CCBE1: variants seen among roughly 807,000 people sequenced by gnomAD.
The protein encoded by CCBE1 is collagen and calcium binding EGF domains 1.
CCBE1 carries 37 observed loss-of-function variants against 50.0 expected under a neutral mutation model. That is an observed-to-expected ratio of 0.74 (90% CI 0.57 to 0.97). CCBE1 has a LOEUF of 0.97. CCBE1 is among the 50% of genes least tolerant of loss of function. The probability of loss-of-function intolerance (pLI) is 0.00; values close to 1 mark genes in which losing one functional copy is unlikely to be tolerated. For missense variants in CCBE1, 538 were observed against 523.8 expected (o/e 1.03, Z -0.26); for synonymous variants, 234 against 203.7 (o/e 1.15, Z -1.27).
At chr18:59,642,417 T>C (rs972088729) in intron 2 of CCBE1, among the ~76,000 whole-genome samples, 44 of 152,150 alleles carry the variant, frequency 2.9e-4, no homozygotes, top group Non-Finnish European at 1.5e-4. Context: ...GAAATAGTTC[T>C]CCAGCAAAAT....
chr18:59,676,069 T>C (rs539238487), intron 2 of CCBE1, among the ~76,000 whole-genome samples: 2 of 152,298 alleles, frequency 1.3e-5, no homozygotes, highest in East Asian at 3.9e-4. Context: ...CCAGATGTCA[T>C]CTTATAGCCC....
intron 2 of CCBE1, among the ~76,000 whole-genome samples, chr18:59,497,840 A>T (rs894129127): frequency 1.3e-5 from 2 of 152,184 alleles, no homozygotes; most frequent in African/African-American, 4.8e-5. Context: ...GGTTAAAAAG[A>T]CAGAGAGGGG....
intron 2 of CCBE1, among the ~76,000 whole-genome samples, chr18:59,573,148 G>A (rs1010923401): frequency 1.3e-5 from 2 of 151,382 alleles, no homozygotes; most frequent in African/African-American, 4.9e-5. Context: ...AGCCAGGTAA[G>A]GTGGTGCGCA....
intron 2 of CCBE1, among the ~76,000 whole-genome samples, chr18:59,566,183 T>C (rs975950091): frequency 2.0e-5 from 3 of 152,224 alleles, no homozygotes; most frequent in Non-Finnish European, 2.9e-5. Flanking sequence ...GGTTTCCACA[T>C]CATTCTACCA....
chr18:59,690,885 A>G (rs995521238), intron 2 of CCBE1, among the ~76,000 whole-genome samples: 29 of 152,194 alleles, frequency 1.9e-4, no homozygotes, highest in Non-Finnish European at 3.7e-4. Flanking sequence ...AGGAACCCAC[A>G]TGTCCTCTTC....
At chr18:59,569,957 CA>C (rs2144482953) in intron 2 of CCBE1, among the ~76,000 whole-genome samples, 1 of 152,322 alleles carries the variant, frequency 6.6e-6, no homozygotes, top group East Asian at 1.9e-4. Flanking sequence ...AGGCAAGTAT[CA>C]CTACCCAGAT....
intron 2 of CCBE1, among the ~76,000 whole-genome samples, chr18:59,547,088 A>AGAGAGGGAGGTAGG (rs1915729602): frequency 1.7e-5 from 2 of 116,446 alleles, no homozygotes; most frequent in African/African-American, 3.2e-5. Context: ...AGAAAGGGAG[A>AGAGAGGGAGGTAGG]GAGAGGGAGG....
At chr18:59,620,174 T>C (rs771638587) in intron 2 of CCBE1, among the ~76,000 whole-genome samples, 25 of 152,288 alleles carry the variant, frequency 1.6e-4, no homozygotes, top group Admixed American at 6.5e-4. Flanking sequence ...CCAGGCCCCT[T>C]AGAGCACCCT....
chr18:59,510,658 G>C (rs1235927064), intron 2 of CCBE1, among the ~76,000 whole-genome samples: 2 of 152,180 alleles, frequency 1.3e-5, no homozygotes, highest in South Asian at 2.1e-4. Flanking sequence ...CTGACCTCAG[G>C]TGATCCACCT....
intron 2 of CCBE1, among the ~76,000 whole-genome samples, chr18:59,498,446 C>G (rs1364098346): frequency 6.6e-6 from 1 of 152,106 alleles, no homozygotes; most frequent in Admixed American, 6.5e-5. Flanking sequence ...TTTTACTACC[C>G]TGTAGATTCA....
At chr18:59,551,581 C>CG (rs756988883) in intron 2 of CCBE1, among the ~76,000 whole-genome samples, 1 of 152,200 alleles carries the variant, frequency 6.6e-6, no homozygotes, top group Non-Finnish European at 1.5e-5. Flanking sequence ...GTCCTATATG[C>CG]GGTCCATCCT....
chr18:59,573,220 G>A (rs1219075436), intron 2 of CCBE1, among the ~76,000 whole-genome samples: 1 of 149,490 alleles, frequency 6.7e-6, no homozygotes, highest in African/African-American at 2.5e-5. Context: ...GGGAGGCAGA[G>A]GCTGCAGTGA....
intron 2 of CCBE1, among the ~76,000 whole-genome samples, chr18:59,595,495 C>T (rs1366356524): frequency 6.6e-6 from 1 of 152,164 alleles, no homozygotes; most frequent in Non-Finnish European, 1.5e-5. Context: ...ACTGAGACTG[C>T]TCATTGTAAA....
chr18:59,642,385 G>C (rs959200826), intron 2 of CCBE1, among the ~76,000 whole-genome samples: 4 of 152,164 alleles, frequency 2.6e-5, no homozygotes, highest in Admixed American at 2.6e-4. Flanking sequence ...TAGTGGGAGT[G>C]TAAACTGACA....
chr18:59,470,990 T>G (rs962898710), intron 3 of CCBE1, among the ~76,000 whole-genome samples: 3 of 152,234 alleles, frequency 2.0e-5, no homozygotes, highest in Admixed American at 2.0e-4. Context: ...TGACCAACCC[T>G]GCAAACTGTC....
Position 59,431,627 on chromosome 18 carries a change from A to G in CCBE1, c.*4281T>C, listed in dbSNP as rs1434631450. The G allele has an allele frequency of 6.6e-6, 1 of 152,280 alleles. No individual in the cohort carries two copies. The highest frequency in any genetic ancestry group is 1.5e-5 in the Non-Finnish European group (1 of 68,058). 9.4% of individuals were successfully genotyped at this position (152,280 alleles called of 1,614,324 possible). Reference sequence around the variant, plus strand: ...TGGGAACAGGGCTCACCAGGCCCACAGCAATTATGAACCTTGGAAAGATGG... The same window carrying G: ...TGGGAACAGGGCTCACCAGGCCCACGGCAATTATGAACCTTGGAAAGATGG... On this transcript the variant is annotated 3_prime_UTR_variant, in exon 11 of 11. Transcript: ENST00000439986.
intron 10 of CCBE1, among the ~76,000 whole-genome samples, chr18:59,436,831 G>T (rs1288111178): frequency 6.6e-6 from 1 of 152,068 alleles, no homozygotes; most frequent in Admixed American, 6.5e-5. Flanking sequence ...ATTTAGCCAG[G>T]TGTGGTGGTG....
At position 59,578,052 on chromosome 18, in the gene CCBE1, AATCT is replaced by A. The variant is rs574188920; in HGVS notation, c.213-97818_213-97815del. Among the ~76,000 whole-genome samples the A allele has an allele frequency of 3.3e-3, 496 of 152,338 alleles. 1 individual carries two copies. The highest frequency in any genetic ancestry group is 6.1e-3 in the Non-Finnish European group (415 of 68,034). ...CTACAGAATGGGAGAAAAGTTTTAC[AATCT>A]ATCTATCTGACAAAGGGCTAATATT... is the stretch of plus-strand genomic sequence containing the variant. On this transcript the variant is annotated intron_variant, in intron 2 of 10. Transcript: ENST00000439986.
intron 2 of CCBE1, among the ~76,000 whole-genome samples, chr18:59,511,297 A>C (rs1568179076): frequency 6.6e-6 from 1 of 152,230 alleles, no homozygotes; most frequent in South Asian, 2.1e-4. Flanking sequence ...TGATGATGGC[A>C]CTAATTGATG....
Sources: allele counts gnomAD v4.1 joint callset (sites outside exome capture counted in the v4.1 genomes callset), GRCh38; gene constraint gnomAD v4.1.1; transcripts MANE v1.5; gene names NCBI Gene and HGNC (gene_info 2026-07-23, HGNC 2026-07-21).